UMODL1: variants seen among roughly 807,000 people sequenced by gnomAD.
UMODL1 encodes the protein uromodulin like 1, also known as uromodulin-like 1.
In UMODL1, 128 loss-of-function variants were observed where a neutral mutation model predicts 136.3. That is an observed-to-expected ratio of 0.94 (90% confidence interval 0.81 to 1.09). UMODL1 has a LOEUF of 1.09. Among genes scored for constraint, UMODL1 ranks in the 50% least tolerant of loss-of-function variants. The pLI is 0.00. For synonymous variants in UMODL1, 721 were observed against 720.0 expected (o/e 1.00, Z -0.02); for missense variants, 1,766 against 1,725.6 (o/e 1.02, Z -0.41).
chr21:42,068,411 C>T (rs766610569), upstream of UMODL1, among the ~76,000 whole-genome samples: 7 of 152,148 alleles, frequency 4.6e-5, no homozygotes, highest in East Asian at 9.6e-4. This position sits in a 1 kb window ranked among gnomAD's most constrained non-coding sequence, Gnocchi z 5.5. Flanking sequence ...AAGTCACCGC[C>T]GCTGTCAGAG....
chr21:42,139,399 A>C (rs1050376959), intron 22 of UMODL1, among the ~76,000 whole-genome samples: 6 of 152,084 alleles, frequency 3.9e-5, no homozygotes, highest in African/African-American at 1.4e-4. Flanking sequence ...ATCTTATGAG[A>C]GCTCTATCGT....
At chr21:42,137,868 C>T (rs1157512849) in intron 22 of UMODL1, among the ~76,000 whole-genome samples, 3 of 151,044 alleles carry the variant, frequency 2.0e-5, no homozygotes, top group South Asian at 2.1e-4. Context: ...GTGATGGGGA[C>T]GGCCAGCAGG....
upstream of UMODL1, chr21:42,071,208 G>T (rs762962060): frequency 9.2e-5 from 110 of 1,200,780 alleles, no homozygotes; most frequent in Non-Finnish European, 1.2e-4. Context: ...GGACAGAAAG[G>T]CCGTTTCTCC....
At chr21:42,115,543 T>C (rs781567882) in intron 13 of UMODL1, among the ~76,000 whole-genome samples, 8 of 152,162 alleles carry the variant, frequency 5.3e-5, no homozygotes, top group Non-Finnish European at 1.0e-4. Flanking sequence ...CTTCAAGTCA[T>C]GCCAGCTTGC....
At chr21:42,091,328 G>A (rs1055960781) in intron 6 of UMODL1, among the ~76,000 whole-genome samples, 1 of 152,226 alleles carries the variant, frequency 6.6e-6, no homozygotes, top group African/African-American at 2.4e-5. Flanking sequence ...CGCGGGATCA[G>A]CCTGGAGAGC....
rs151000113 is a variant in UMODL1, at chr21:42,118,327, C to T, written c.2476-784C>T. Among the ~76,000 whole-genome samples, 17 of 152,358 alleles carry T rather than the reference C, an allele frequency of 1.1e-4. No homozygotes were observed. The East Asian group carries it at 1.7e-3, about 16-fold the overall frequency. ...ACAATGGATCTGTTCACCTTGGTGGCCCAGAAGCCGGGAAGTGAGTCCATG... is the reference window on the plus strand; with the variant it reads ...ACAATGGATCTGTTCACCTTGGTGGTCCAGAAGCCGGGAAGTGAGTCCATG... On this transcript the variant is annotated intron_variant, in intron 14 of 22. Transcript: ENST00000408910.
chr21:42,141,799 C>T (rs1049231571), intron 22 of UMODL1, among the ~76,000 whole-genome samples: 6 of 152,000 alleles, frequency 3.9e-5, no homozygotes, highest in Non-Finnish European at 7.4e-5. Context: ...TGCAAAGGTG[C>T]AGGGGCCCCA....
At position 42,076,038 on chromosome 21, in the gene UMODL1, G is replaced by T. The variant is rs553892072; in HGVS notation, c.110G>T (p.Cys37Phe). The change falls in exon 2 of 23, where the codon TGC becomes TTC. Residue 37 changes from cysteine to phenylalanine, a missense_variant. Coordinates refer to ENST00000408910, the MANE Select transcript of UMODL1 (RefSeq NM_001004416.3). ...KGLSLLGYQLCSHRVTHTVQK... is the reference protein window; with the variant it reads ...KGLSLLGYQLFSHRVTHTVQK... The stretch of plus-strand genomic sequence containing the variant: ...CTCTCCCTGTTGGGCTACCAGCTAT[G>T]CAGCCACCGTGTGACCCACACTGTA... 10 of 1,614,226 alleles carry T rather than the reference G, an allele frequency of 6.2e-6. No individual in the cohort carries two copies. The South Asian group carries it at 1.1e-4, about 18-fold the overall frequency.
intron 20 of UMODL1, 122 bp downstream of exon 20, chr21:42,127,953 C>A: frequency 3.9e-6 from 5 of 1,298,620 alleles, no homozygotes; most frequent in Non-Finnish European, 5.5e-6. Context: ...TGGGAGGAGT[C>A]GCTGTGCCTG....
Position 42,127,216 on chromosome 21 carries a change from C to T in UMODL1, c.3504C>T (p.Pro1168=), listed in dbSNP as rs759893155. Residue 1168 remains proline, a synonymous_variant, in exon 19 of 23, where the codon CCC becomes CCT. Coordinates refer to ENST00000408910, the MANE Select transcript of UMODL1 (RefSeq NM_001004416.3). ...CCCCGTCTAGCAACGCCCGGGACCC[C>T]ATCACCTTCAGCTTCATTAACAACA... ...WATPSSNARD[P]ITFSFINNSC... The T allele has an allele frequency of 9.3e-6, 15 of 1,613,960 alleles. No homozygotes were observed. In the Admixed American group the frequency reaches 2.3e-4, roughly 25 times the overall value.
intron 21 of UMODL1, 107 bp from the exon 22 acceptor site, chr21:42,137,332 T>C: frequency 2.9e-6 from 4 of 1,398,264 alleles, no homozygotes; most frequent in Non-Finnish European, 4.0e-6. Context: ...GGGCCTTGCA[T>C]TCCCCGTGCT....
intron 10 of UMODL1, 152 bp from the exon 11 acceptor site, chr21:42,110,728 A>T (rs1462960327): frequency 1.4e-6 from 1 of 713,232 alleles, no homozygotes; most frequent in Non-Finnish European, 2.3e-6. Flanking sequence ...GGCCCAGGAA[A>T]CACTCCTGAA....
intron 2 of UMODL1, among the ~76,000 whole-genome samples, chr21:42,083,802 G>A (rs1056611855): frequency 1.3e-5 from 2 of 152,246 alleles, no homozygotes; most frequent in African/African-American, 4.8e-5. Context: ...AGGGGGTGGT[G>A]GAGCCCCCTG....
At chr21:42,117,339 C>T (rs147272642) in intron 14 of UMODL1, among the ~76,000 whole-genome samples, 1 of 152,208 alleles carries the variant, frequency 6.6e-6, no homozygotes, top group South Asian at 2.1e-4. Flanking sequence ...ATTCACCGAG[C>T]GCACTGGGCG....
At chr21:42,094,220 T>C (rs917612232) in intron 6 of UMODL1, among the ~76,000 whole-genome samples, 2 of 152,166 alleles carry the variant, frequency 1.3e-5, no homozygotes, top group African/African-American at 4.8e-5. Context: ...CCAGCTTCAC[T>C]TCTAATAGGG....
intron 1 of UMODL1, among the ~76,000 whole-genome samples, 155 bp from the exon 2 acceptor site, chr21:42,075,850 C>T (rs1417681344): frequency 6.6e-6 from 1 of 152,272 alleles, no homozygotes; most frequent in Admixed American, 6.5e-5. Context: ...CAGGCAAAGG[C>T]CAGTGGAGAG....
chr21:42,121,159 T>C lies in UMODL1; in HGVS notation c.2762T>C (p.Phe921Ser). The C allele has an allele frequency of 1.2e-6, 2 of 1,614,140 alleles. No individual in the cohort carries two copies. Among genetic ancestry groups the C allele is most frequent in the Non-Finnish European group, 1.7e-6 (2 of 1,180,014 alleles). ...TCCTGTCGAAACACCCTCGGGTCTT[T>C]CACTTGTAGCTGCGAGGGAGGAGCC... ...GTSCRNTLGS[F>S]TCSCEGGAPD... Residue 921 changes from phenylalanine (F) to serine (S), a missense_variant, in exon 16 of 23, where the codon TTC becomes TCC. Physicochemically the swap from Phe to Ser is radical, Grantham distance 155. Transcript: ENST00000408910.
At position 42,114,491 on chromosome 21, in the gene UMODL1, G is replaced by A. The variant is rs912451383; in HGVS notation, c.2362+661G>A. Among the ~76,000 whole-genome samples, 11 of 152,336 alleles carry A rather than the reference G, an allele frequency of 7.2e-5. No individual in the cohort carries two copies. In the South Asian group the frequency reaches 1.2e-3, roughly 17 times the overall value. On this transcript the variant is annotated intron_variant, in intron 13 of 22. Coordinates refer to ENST00000408910, the MANE Select transcript of UMODL1 (RefSeq NM_001004416.3). ...TCACGCCATGGGCAGCTTCCCAAGCGTTGATAGCAGTGGTCTGCACGGTGG... is the reference window on the plus strand; with the variant it reads ...TCACGCCATGGGCAGCTTCCCAAGCATTGATAGCAGTGGTCTGCACGGTGG...
chr21:42,110,218 C>A (rs1181601371), intron 10 of UMODL1, among the ~76,000 whole-genome samples: 4 of 152,196 alleles, frequency 2.6e-5, no homozygotes, highest in Non-Finnish European at 5.9e-5. Flanking sequence ...TCGGGGATAC[C>A]TGGGATGCTG....
Sources: gnomAD v4.1 joint callset for allele counts (sites outside exome capture counted in the v4.1 genomes callset) on GRCh38, gnomAD v4.1.1 for gene constraint, Gnocchi (gnomAD v3.1) non-coding constraint, MANE v1.5 for transcripts, NCBI Gene and HGNC (gene_info 2026-07-23, HGNC 2026-07-21) for gene names.